The following ZFHX3 variants were observed in gnomAD, a reference collection of about 807,000 sequenced individuals.
ZFHX3 encodes zinc finger homeobox 3.
A neutral mutation model predicts 279.1 loss-of-function variants in ZFHX3; 42 were observed. That is an observed-to-expected ratio of 0.15 (90% CI 0.12 to 0.19). ZFHX3 has a LOEUF of 0.19. Among genes scored for constraint, ZFHX3 ranks in the 10% least tolerant of loss-of-function variants. The probability of loss-of-function intolerance (pLI) is 1.00; values close to 1 mark genes in which losing one functional copy is unlikely to be tolerated. For missense variants in ZFHX3, 4,981 were observed against 4,754.0 expected (o/e 1.05, Z -1.40); for synonymous variants, 2,293 against 1,957.8 (o/e 1.17, Z -4.52).
intron 1 of ZFHX3, among the ~76,000 whole-genome samples, chr16:73,719,251 C>G (rs1024262025): frequency 2.0e-5 from 3 of 152,158 alleles, no homozygotes; most frequent in Admixed American, 6.6e-5. Context: ...TAGTAAGAAT[C>G]TATGTTTTGG....
At chr16:73,684,108 G>A (rs999252618) in intron 1 of ZFHX3, among the ~76,000 whole-genome samples, 5 of 152,102 alleles carry the variant, frequency 3.3e-5, no homozygotes, top group Admixed American at 1.3e-4. Context: ...AGCCTGGGCA[G>A]CGTAGCAAGA....
chr16:72,922,188 G>C (rs1414644376), intron 3 of ZFHX3, among the ~76,000 whole-genome samples: 2 of 152,104 alleles, frequency 1.3e-5, no homozygotes, highest in Non-Finnish European at 2.9e-5. Flanking sequence ...TTAATCACAG[G>C]GGGTGACACC....
intron 3 of ZFHX3, among the ~76,000 whole-genome samples, chr16:73,375,347 A>G (rs961633282): frequency 2.6e-5 from 4 of 152,084 alleles, no homozygotes; most frequent in South Asian, 2.1e-4. Context: ...TTCTGGCCTC[A>G]TCTTGTATGT....
intron 2 of ZFHX3, among the ~76,000 whole-genome samples, chr16:73,638,867 G>C (rs988481876): frequency 4.6e-5 from 7 of 152,258 alleles, no homozygotes; most frequent in African/African-American, 1.7e-4. Context: ...CAAAACACTA[G>C]TCTAAAAATG....
intron 3 of ZFHX3, among the ~76,000 whole-genome samples, chr16:73,446,343 A>T (rs2143548737): frequency 6.6e-6 from 1 of 152,284 alleles, no homozygotes; most frequent in Non-Finnish European, 1.5e-5. Flanking sequence ...GGAAACTTAC[A>T]ATCATGGTGG....
At chr16:73,347,210 A>G (rs1441489163) in intron 3 of ZFHX3, among the ~76,000 whole-genome samples, 1 of 152,222 alleles carries the variant, frequency 6.6e-6, no homozygotes, top group Non-Finnish European at 1.5e-5. Context: ...CTTCCATCTG[A>G]TTCTACTTCC....
chr16:72,866,681 G>T (rs1314267853), intron 4 of ZFHX3, among the ~76,000 whole-genome samples: 1 of 152,168 alleles, frequency 6.6e-6, no homozygotes, highest in East Asian at 1.9e-4. Flanking sequence ...GATGGAAAAG[G>T]AAATGAGATG....
At chr16:73,688,660 G>C (rs1203010245) in intron 1 of ZFHX3, among the ~76,000 whole-genome samples, 1 of 152,166 alleles carries the variant, frequency 6.6e-6, no homozygotes, top group Non-Finnish European at 1.5e-5. Flanking sequence ...AAGTTACCCA[G>C]TGTAAGGTAT....
chr16:72,843,559 T>G (rs1464000113), intron 4 of ZFHX3, among the ~76,000 whole-genome samples: 1 of 133,474 alleles, frequency 7.5e-6, no homozygotes, highest in Admixed American at 7.7e-5. Context: ...TGAGGAAACC[T>G]GAAGGAGGGT....
intron 1 of ZFHX3, among the ~76,000 whole-genome samples, chr16:73,025,230 C>T (rs571747308): frequency 6.6e-6 from 1 of 152,208 alleles, no homozygotes; most frequent in South Asian, 2.1e-4. Flanking sequence ...CCACAACGAC[C>T]GCCCTGCACC....
chr16:72,785,711 A>C lies in ZFHX3; in HGVS notation c.*1453T>G, dbSNP rs984491788. ...ATCCCTAACCAAAAACTTTTTTTAGAAAAGAAAAGTACACAGCCAATTACA... is the reference window on the plus strand; with the variant it reads ...ATCCCTAACCAAAAACTTTTTTTAGCAAAGAAAAGTACACAGCCAATTACA... On this transcript the variant is annotated 3_prime_UTR_variant, in exon 10 of 10. Coordinates refer to ENST00000268489, the MANE Select transcript of ZFHX3 (RefSeq NM_006885.4). 6.6e-6 allele frequency: 1 copy of C among 152,054 alleles called. No individual in the cohort carries two copies. Among genetic ancestry groups the C allele is most frequent in the African/African-American group, 2.4e-5 (1 of 41,396 alleles). The allele number at this position is 152,054 out of a possible 1,614,324, so 9.4% of individuals were successfully genotyped here. A position where few individuals can be genotyped will look rare whatever the true frequency, so the allele number is the denominator to read the frequency against.
intron 1 of ZFHX3, among the ~76,000 whole-genome samples, chr16:73,755,427 A>G (rs1174839698): frequency 6.6e-6 from 1 of 152,222 alleles, no homozygotes; most frequent in Non-Finnish European, 1.5e-5. Flanking sequence ...AATTATATCA[A>G]TAAGTAGATG....
chr16:73,390,047 G>A (rs776325949), intron 3 of ZFHX3, among the ~76,000 whole-genome samples: 22 of 152,098 alleles, frequency 1.4e-4, no homozygotes, highest in Admixed American at 9.2e-4. Context: ...GTGACAGAGC[G>A]AGACTCTGTC....
chr16:73,888,578 G>C (rs1325814791), intron 1 of ZFHX3, among the ~76,000 whole-genome samples: 1 of 152,170 alleles, frequency 6.6e-6, no homozygotes, highest in Non-Finnish European at 1.5e-5. Context: ...GAAAATATCA[G>C]CTAAAAATGT....
chr16:72,793,372 T>G lies in ZFHX3; in HGVS notation c.9310A>C (p.Thr3104Pro), dbSNP rs769544167. 2.5e-6 allele frequency: 4 copies of G among 1,614,004 alleles called. No homozygotes were observed. The Admixed American group carries it at 6.7e-5, about 27-fold the overall frequency. Residue 3104 changes from threonine (T) to proline (P), a missense_variant, in exon 9 of 10, where the codon ACC becomes CCC. Around this residue, in one of 7 missense-constraint regions of ZFHX3, gnomAD observed 1,034 missense variants for 786.0 expected, o/e 1.32. Coordinates refer to ENST00000268489, the MANE Select transcript of ZFHX3 (RefSeq NM_006885.4). This position sits in a 1 kb window ranked among gnomAD's most constrained non-coding sequence, Gnocchi z 4.3. ...AAQQQGMFDN[T>P]PLQALNLPTA... ...GGAAGGTTAAGGGCCTGAAGAGGGG[T>G]GTTGTCAAACATCCCTTGCTGCTGA...
Position 72,787,256 on chromosome 16 carries a change from C to G in ZFHX3, c.11020G>C (p.Gly3674Arg), listed in dbSNP as rs1228933533. Residue 3674 changes from glycine (G) to arginine (R), a missense_variant, in exon 10 of 10, where the codon GGA becomes CGA. Gly to Arg is a moderately radical substitution (Grantham distance 125). This residue lies in a region of ZFHX3 where 1,034 missense variants were observed against 786.0 expected (regional missense o/e 1.32). Transcript: ENST00000268489. ...GGACCCTCCACCGGGCTCGCCGGTC[C>G]GTCGGACTTTTGGCTGAGATCCGTG... Reference protein sequence around the residue: ...SDTDLSQKSDGPASPVEGPKD... With the variant: ...SDTDLSQKSDRPASPVEGPKD... 6.2e-7 allele frequency: 1 copy of G among 1,614,066 alleles called. No homozygotes were observed. The highest frequency in any genetic ancestry group is 8.5e-7 in the Non-Finnish European group (1 of 1,180,006).
chr16:73,022,559 A>G (rs1964338872), intron 1 of ZFHX3, among the ~76,000 whole-genome samples: 1 of 152,154 alleles, frequency 6.6e-6, no homozygotes, highest in Admixed American at 6.5e-5. Flanking sequence ...CTCTCCCCAA[A>G]GTGTGACAAC....
intron 2 of ZFHX3, among the ~76,000 whole-genome samples, chr16:73,615,953 G>C (rs1567533810): frequency 6.6e-6 from 1 of 152,176 alleles, no homozygotes; most frequent in Non-Finnish European, 1.5e-5. Flanking sequence ...TGGGCTAAAG[G>C]AAGAGATTTG....
chr16:73,622,425 G>A (rs2052372161), intron 2 of ZFHX3, among the ~76,000 whole-genome samples: 1 of 152,118 alleles, frequency 6.6e-6, no homozygotes, highest in African/African-American at 2.4e-5. Context: ...AGCCAGGCGT[G>A]GTGGCGGGCA....
Sources: allele counts gnomAD v4.1 joint callset (sites outside exome capture counted in the v4.1 genomes callset), GRCh38; gene constraint gnomAD v4.1.1; regional missense constraint gnomAD v4.1.1; non-coding constraint Gnocchi (gnomAD v3.1); transcripts MANE v1.5; gene names NCBI Gene and HGNC (gene_info 2026-07-23, HGNC 2026-07-21).